MEGF9: variants seen among roughly 807,000 people sequenced by gnomAD.
MEGF9 encodes the protein multiple EGF like domains 9, also known as multiple epidermal growth factor-like domains protein 9.
A neutral mutation model predicts 46.8 loss-of-function variants in MEGF9; 6 were observed. That is an observed-to-expected ratio of 0.13 (90% CI 0.07 to 0.25). The LOEUF (loss-of-function observed/expected upper bound fraction) is 0.25, where lower values mean the gene tolerates loss of function less well. Ranked by LOEUF, MEGF9 falls within the 10% of genes least tolerant of loss-of-function variation. The pLI is 1.00. For synonymous variants in MEGF9, 302 were observed against 330.7 expected (o/e 0.91, Z 0.94); for missense variants, 683 against 792.4 (o/e 0.86, Z 1.66).
intron 3 of MEGF9, among the ~76,000 whole-genome samples, chr9:120,614,620 T>A (rs1200934797): frequency 1.3e-5 from 2 of 152,130 alleles, no homozygotes; most frequent in African/African-American, 4.8e-5. Context: ...AGTTTTGCTC[T>A]AAAAATAAAA....
At chr9:120,616,167 G>T (rs1436220213) in intron 3 of MEGF9, among the ~76,000 whole-genome samples, 2 of 151,604 alleles carry the variant, frequency 1.3e-5, no homozygotes, top group African/African-American at 4.8e-5. Context: ...TTTTCTTATT[G>T]TAAAATAACA....
intron 3 of MEGF9, among the ~76,000 whole-genome samples, chr9:120,616,073 A>G (rs1216151765): frequency 6.6e-6 from 1 of 152,174 alleles, no homozygotes; most frequent in Non-Finnish European, 1.5e-5. Context: ...GTGAGAGGCA[A>G]TAGCCCTTTC....
chr9:120,674,572 C>T (rs772364161), intron 1 of MEGF9, among the ~76,000 whole-genome samples: 2 of 151,702 alleles, frequency 1.3e-5, no homozygotes, highest in African/African-American at 2.4e-5. Flanking sequence ...TTTCTTCTCT[C>T]TCTCTTTTTT....
At chr9:120,638,383 G>C (rs2043588229) in intron 2 of MEGF9, among the ~76,000 whole-genome samples, 1 of 152,306 alleles carries the variant, frequency 6.6e-6, no homozygotes, top group African/African-American at 2.4e-5. Flanking sequence ...TTTTCTCAGA[G>C]AAACGATTGC....
intron 2 of MEGF9, among the ~76,000 whole-genome samples, chr9:120,649,608 A>G (rs2043640806): frequency 6.6e-6 from 1 of 152,178 alleles, no homozygotes; most frequent in African/African-American, 2.4e-5. Context: ...AACTAGGTAA[A>G]TAATTTTCTT....
intron 2 of MEGF9, among the ~76,000 whole-genome samples, chr9:120,643,079 T>C (rs1025104117): frequency 2.0e-5 from 3 of 152,190 alleles, no homozygotes; most frequent in African/African-American, 4.8e-5. Context: ...TCCCTTTTTA[T>C]GGAAAATCTA....
At chr9:120,651,222 A>G (rs1221943862) in intron 2 of MEGF9, among the ~76,000 whole-genome samples, 1 of 152,260 alleles carries the variant, frequency 6.6e-6, no homozygotes, top group African/African-American at 2.4e-5. Flanking sequence ...AACATGAGCT[A>G]CATCACACCA....
At chr9:120,624,656 C>T (rs2043516187) in intron 2 of MEGF9, among the ~76,000 whole-genome samples, 1 of 152,062 alleles carries the variant, frequency 6.6e-6, no homozygotes, top group Admixed American at 6.6e-5. Flanking sequence ...CACTTGAGGT[C>T]ACAAGTTCAA....
chr9:120,689,028 T>G (rs568752767), intron 1 of MEGF9, among the ~76,000 whole-genome samples: 3 of 152,256 alleles, frequency 2.0e-5, no homozygotes, highest in African/African-American at 7.2e-5. Context: ...GATACAACAA[T>G]GAGAAAGACA....
At chr9:120,684,902 C>T (rs1315983170) in intron 1 of MEGF9, among the ~76,000 whole-genome samples, 1 of 151,410 alleles carries the variant, frequency 6.6e-6, no homozygotes, top group Non-Finnish European at 1.5e-5. Flanking sequence ...GGCACGATCT[C>T]GGCTCACTGC....
chr9:120,695,656 T>A (rs1051139558), intron 1 of MEGF9, among the ~76,000 whole-genome samples: 12 of 149,106 alleles, frequency 8.0e-5, no homozygotes, highest in Non-Finnish European at 1.5e-4. Context: ...TATGTAATGT[T>A]AGGAAGTATA....
intron 2 of MEGF9, among the ~76,000 whole-genome samples, chr9:120,623,210 C>T (rs895548989): frequency 1.3e-5 from 2 of 152,222 alleles, no homozygotes; most frequent in African/African-American, 4.8e-5. Context: ...CCCCACCATA[C>T]TATCTACTCC....
rs1325327036 is a variant in MEGF9 at position 120,602,812 on chromosome 9, C to T, written c.*2378G>A. On this transcript the variant is annotated 3_prime_UTR_variant, in exon 6 of 6. Coordinates refer to ENST00000373930, the MANE Select transcript of MEGF9 (RefSeq NM_001080497.3). ...GGAGAAAGACAGGTATGCCATTTTG[C>T]ACAATTTCTTAGAATTGTGCAGTCT... The T allele has an allele frequency of 6.6e-6, 1 of 152,090 alleles. No homozygotes were observed. Among genetic ancestry groups the T allele is most frequent in the Non-Finnish European group, 1.5e-5 (1 of 68,034 alleles). The allele number at this position is 152,090 out of a possible 1,614,324, so 9.4% of individuals were successfully genotyped here.
At chr9:120,659,622 C>T in intron 1 of MEGF9, 47 bp from the exon 2 acceptor site, 5 of 1,386,398 alleles carry the variant, frequency 3.6e-6, no homozygotes, top group South Asian at 2.7e-5. Flanking sequence ...AGATTTAATG[C>T]CCTCTTAATA....
intron 1 of MEGF9, among the ~76,000 whole-genome samples, chr9:120,704,389 T>C (rs1471128482): frequency 6.6e-6 from 1 of 152,000 alleles, no homozygotes; most frequent in Non-Finnish European, 1.5e-5. Context: ...AGTTCTGTGA[T>C]TCACCTTGTT....
chr9:120,650,524 T>G (rs535909670), intron 2 of MEGF9, among the ~76,000 whole-genome samples: 1 of 151,706 alleles, frequency 6.6e-6, no homozygotes, highest in East Asian at 1.9e-4. Flanking sequence ...ACTTTGTGTT[T>G]GCACACAAAG....
intron 2 of MEGF9, among the ~76,000 whole-genome samples, chr9:120,642,378 A>C (rs997407399): frequency 6.6e-6 from 1 of 152,236 alleles, no homozygotes; most frequent in Non-Finnish European, 1.5e-5. Context: ...TTCAGGGTAC[A>C]GTGGGAAGAG....
intron 2 of MEGF9, among the ~76,000 whole-genome samples, chr9:120,638,804 A>T (rs1025439039): frequency 6.6e-6 from 1 of 152,132 alleles, no homozygotes; most frequent in Non-Finnish European, 1.5e-5. Flanking sequence ...TTTTATGAGG[A>T]ATCTGCCCAA....
intron 3 of MEGF9, among the ~76,000 whole-genome samples, chr9:120,618,739 A>T (rs964626856): frequency 6.6e-6 from 1 of 151,924 alleles, no homozygotes; most frequent in African/African-American, 2.4e-5. Context: ...GTCTACTAAA[A>T]ATACAAAAAT....
Sources: gnomAD v4.1 joint callset for allele counts (sites outside exome capture counted in the v4.1 genomes callset) on GRCh38, gnomAD v4.1.1 for gene constraint, MANE v1.5 for transcripts, NCBI Gene and HGNC (gene_info 2026-07-23, HGNC 2026-07-21) for gene names.